BTBD9: variants seen among roughly 807,000 people sequenced by gnomAD.
BTBD9 encodes BTB domain containing 9.
A neutral mutation model predicts 64.3 loss-of-function variants in BTBD9; 49 were observed. The observed-to-expected ratio is 0.76, with a 90% CI of 0.61 to 0.97. The LOEUF is 0.97. BTBD9 is among the 50% of genes least tolerant of loss of function. The pLI is 0.00. For synonymous variants in BTBD9, 260 were observed against 274.7 expected (o/e 0.95, Z 0.53); for missense variants, 598 against 762.1 (o/e 0.78, Z 2.53).
At chr6:38,413,452 T>C (rs1440401184) in intron 6 of BTBD9, among the ~76,000 whole-genome samples, 1 of 152,350 alleles carries the variant, frequency 6.6e-6, no homozygotes, top group Middle Eastern at 3.4e-3. Context: ...CCTTACACTG[T>C]ATAGGCCAAA....
intron 8 of BTBD9, among the ~76,000 whole-genome samples, chr6:38,277,096 G>A (rs950338792): frequency 1.2e-4 from 18 of 152,284 alleles, no homozygotes; most frequent in Middle Eastern, 3.4e-3. Flanking sequence ...GATCAATCAG[G>A]AGGTACTAGT....
rs143063089 is a variant in BTBD9, at chr6:38,609,364, T to C, written c.-27-11243A>G. ...CAGCCTGGATGACAGGGCAAGACCT[T>C]GTCTCAAAAAAAAAGAGTTTAAGTC... On this transcript the variant is annotated intron_variant, in intron 1 of 10. Coordinates refer to ENST00000481247, the MANE Select transcript of BTBD9 (RefSeq NM_001099272.2). Among the ~76,000 whole-genome samples, 640 of 152,134 alleles carry C rather than the reference T, an allele frequency of 4.2e-3. 3 individuals carry two copies. Among genetic ancestry groups the C allele is most frequent in the African/African-American group, 0.015 (602 of 41,514 alleles).
Position 38,238,932 on chromosome 6 carries a change from C to T in BTBD9, c.1562+17477G>A, listed in dbSNP as rs114574451. 4.6e-3 allele frequency among the ~76,000 whole-genome samples: 696 copies of T among 152,194 alleles called. 3 individuals are homozygous for T. The highest frequency in any genetic ancestry group is 0.016 in the African/African-American group (657 of 41,532). ...GGAAGAGGGTATAATGAGACATGTC[C>T]GACCCCTGCTTCCATCATGGCCTGA... On this transcript the variant is annotated intron_variant, in intron 9 of 10. Transcript: ENST00000481247.
chr6:38,205,452 C>G (rs60235041), intron 9 of BTBD9, among the ~76,000 whole-genome samples: 10,950 of 151,944 alleles, frequency 0.072, 874 homozygotes, highest in East Asian at 0.45. Flanking sequence ...CATTCCCAGA[C>G]AAAGTAAATG....
intron 6 of BTBD9, among the ~76,000 whole-genome samples, chr6:38,396,117 C>T (rs915567050): frequency 1.3e-5 from 2 of 152,094 alleles, no homozygotes; most frequent in Admixed American, 6.5e-5. Context: ...GTTAAAAAGA[C>T]AGGGCCAGAT....
intron 8 of BTBD9, among the ~76,000 whole-genome samples, chr6:38,266,576 CAAGAAAGAA>C (rs1764979198): frequency 1.8e-5 from 2 of 114,170 alleles, no homozygotes; most frequent in Admixed American, 1.1e-4. Context: ...TCAGTCTCAA[CAAGAAAGAA>C]AGGAAAGAAA....
chr6:38,442,972 T>G (rs1438217346), intron 6 of BTBD9, among the ~76,000 whole-genome samples: 1 of 152,060 alleles, frequency 6.6e-6, no homozygotes, highest in Non-Finnish European at 1.5e-5. Flanking sequence ...TTGGCCCATT[T>G]GTGCTCTTAA....
rs534181480 is a variant in BTBD9 at position 38,187,055 on chromosome 6, G to A, written c.1641+5464C>T. On this transcript the variant is annotated intron_variant, in intron 10 of 10. Coordinates refer to ENST00000481247, the MANE Select transcript of BTBD9 (RefSeq NM_001099272.2). The stretch of plus-strand genomic sequence containing the variant: ...TTACTCCCAGCCGGGTTTATTTAAG[G>A]ATGTAGGCATGTGCCTTTGCTATTT... Among the ~76,000 whole-genome samples, 23 of 152,366 alleles carry A rather than the reference G, an allele frequency of 1.5e-4. No individual in the cohort carries two copies. The South Asian group carries it at 3.1e-3, about 21-fold the overall frequency.
intron 6 of BTBD9, among the ~76,000 whole-genome samples, chr6:38,498,617 G>T (rs974977230): frequency 1.3e-5 from 2 of 152,076 alleles, no homozygotes; most frequent in Non-Finnish European, 2.9e-5. Flanking sequence ...AGCAACAAAG[G>T]CTGGGCAACA....
intron 5 of BTBD9, among the ~76,000 whole-genome samples, chr6:38,578,931 ATTAG>A (rs1390581307): frequency 2.0e-5 from 3 of 152,174 alleles, no homozygotes; most frequent in East Asian, 1.9e-4. Flanking sequence ...TAACTTCACT[ATTAG>A]TTAAATGAGT....
intron 4 of BTBD9, 130 bp from the exon 5 acceptor site, chr6:38,580,567 T>C: frequency 6.5e-6 from 5 of 772,474 alleles, no homozygotes; most frequent in Non-Finnish European, 1.0e-5. Flanking sequence ...ACAAGTTTAT[T>C]GGATAGAAAA....
At chr6:38,588,096 G>A (rs1002263554) in intron 4 of BTBD9, 1 of 734,372 alleles carries the variant, frequency 1.4e-6, no homozygotes, top group South Asian at 1.5e-5. Flanking sequence ...GCTAGCTATG[G>A]TGCACCGTGT....
Position 38,256,392 on chromosome 6 carries a change from G to C in BTBD9, c.1562+17C>G, listed in dbSNP as rs1290639594. On this transcript the variant is annotated intron_variant, in intron 9 of 10. Coordinates refer to ENST00000481247, the MANE Select transcript of BTBD9 (RefSeq NM_001099272.2). The stretch of plus-strand genomic sequence containing the variant: ...GTCTTTTCAATAGGAATAAATTCCT[G>C]AAAAGACACAACTTACTTGCAGGAG... The C allele has an allele frequency of 2.5e-6, 4 of 1,583,184 alleles. No individual in the cohort carries two copies. In the South Asian group the frequency reaches 4.4e-5, roughly 18 times the overall value.
intron 6 of BTBD9, among the ~76,000 whole-genome samples, chr6:38,423,915 G>C (rs936798771): frequency 1.3e-5 from 2 of 151,982 alleles, no homozygotes; most frequent in South Asian, 2.1e-4. Flanking sequence ...GCCATGTTCA[G>C]CTTTTTCACT....
chr6:38,476,388 A>T (rs1770881281), intron 6 of BTBD9, among the ~76,000 whole-genome samples: 1 of 152,224 alleles, frequency 6.6e-6, no homozygotes, highest in African/African-American at 2.4e-5. Flanking sequence ...TACACATTTC[A>T]CAACTCCAGG....
intron 6 of BTBD9, among the ~76,000 whole-genome samples, chr6:38,357,732 C>A (rs1273505854): frequency 7.2e-5 from 11 of 152,026 alleles, no homozygotes; most frequent in African/African-American, 2.7e-4. Context: ...AGACGATAAC[C>A]ATTTCTCTTC....
chr6:38,546,245 A>G (rs1774549629), intron 6 of BTBD9, among the ~76,000 whole-genome samples: 1 of 152,206 alleles, frequency 6.6e-6, no homozygotes, highest in South Asian at 2.1e-4. Flanking sequence ...ATGGATCTAC[A>G]AGGACAAGAA....
At chr6:38,365,494 C>A (rs1047369878) in intron 6 of BTBD9, among the ~76,000 whole-genome samples, 1 of 152,178 alleles carries the variant, frequency 6.6e-6, no homozygotes. Context: ...GTAATCTCAA[C>A]ACTTTGGGAG....
intron 6 of BTBD9, among the ~76,000 whole-genome samples, chr6:38,351,173 T>A (rs1764490028): frequency 6.6e-6 from 1 of 152,220 alleles, no homozygotes; most frequent in Non-Finnish European, 1.5e-5. Context: ...CTATAGATTC[T>A]CTTGTACTGA....
Sources: allele counts gnomAD v4.1 joint callset (sites outside exome capture counted in the v4.1 genomes callset), GRCh38; gene constraint gnomAD v4.1.1; transcripts MANE v1.5; gene names NCBI Gene and HGNC (gene_info 2026-07-23, HGNC 2026-07-21).